Variants in LAMC3 observed in about 807,000 individuals in gnomAD.
The protein encoded by LAMC3 is laminin subunit gamma-3.
In LAMC3, 128 loss-of-function variants were observed where a neutral mutation model predicts 173.8. The observed-to-expected ratio is 0.74, with a 90% CI of 0.64 to 0.85. The LOEUF (loss-of-function observed/expected upper bound fraction) is 0.85, where lower values mean the gene tolerates loss of function less well. Ranked by LOEUF, LAMC3 falls within the 40% of genes least tolerant of loss-of-function variation. The probability of loss-of-function intolerance (pLI) is 0.00; values close to 1 mark genes in which losing one functional copy is unlikely to be tolerated. For synonymous variants in LAMC3, 897 were observed against 909.1 expected, an observed-to-expected ratio of 0.99 and a Z score of 0.24; for missense variants, 2,022 against 2,156.0, an observed-to-expected ratio of 0.94 and a Z score of 1.23.
chr9:131,090,137 A>T (rs1222348357), intron 27 of LAMC3, among the ~76,000 whole-genome samples: 1 of 152,164 alleles, frequency 6.6e-6, no homozygotes, highest in Admixed American at 6.5e-5. Context: ...TCCCACAGCC[A>T]GTCGGTAGGA....
chr9:131,017,124 C>T (rs552775014), intron 1 of LAMC3, among the ~76,000 whole-genome samples: 54 of 152,254 alleles, frequency 3.5e-4, no homozygotes, highest in South Asian at 1.5e-3. Flanking sequence ...GGCCTTGGAA[C>T]GAGGTGGGGG....
At chr9:131,022,160 A>T (rs966408029) in intron 1 of LAMC3, among the ~76,000 whole-genome samples, 8 of 151,774 alleles carry the variant, frequency 5.3e-5, no homozygotes, top group African/African-American at 1.9e-4. Flanking sequence ...CCAAAATTCT[A>T]ATGAAAGACC....
At chr9:131,016,648 G>A (rs1833524267) in intron 1 of LAMC3, among the ~76,000 whole-genome samples, 1 of 152,198 alleles carries the variant, frequency 6.6e-6, no homozygotes, top group East Asian at 1.9e-4. Flanking sequence ...ATGGTGATTG[G>A]AGCCATTCAG....
At chr9:131,053,250 C>T (rs1053998700) in intron 11 of LAMC3, among the ~76,000 whole-genome samples, 5 of 152,192 alleles carry the variant, frequency 3.3e-5, no homozygotes, top group Non-Finnish European at 4.4e-5. Context: ...CACCCAGACC[C>T]GCTGGGTGTG....
intron 27 of LAMC3, 67 bp downstream of exon 27, chr9:131,087,884 G>A: frequency 8.1e-7 from 1 of 1,232,850 alleles, no homozygotes. Context: ...ATCTTCCTGT[G>A]AGCTCCAGTC....
intron 2 of LAMC3, 120 bp from the exon 3 acceptor site, chr9:131,031,925 G>A (rs1020987777): frequency 9.6e-6 from 15 of 1,569,780 alleles, no homozygotes; most frequent in East Asian, 4.5e-5. Context: ...GCCTGAGCTC[G>A]GCCTGTTCCT....
At chr9:131,086,575 C>CTTTTTTTTTTTTTTTTTTTTTTTTTT in intron 25 of LAMC3, among the ~76,000 whole-genome samples, 1 of 92,478 alleles carries the variant, frequency 1.1e-5, no homozygotes. Flanking sequence ...GCCTGGCTAA[C>CTTTTTTTTTTTTTTTTTTTTTTTTTT]TTTTTTTTTT....
chr9:131,078,077 AC>A (rs1830166962), intron 22 of LAMC3, among the ~76,000 whole-genome samples: 1 of 152,176 alleles, frequency 6.6e-6, no homozygotes, highest in South Asian at 2.1e-4. Flanking sequence ...GGAGCAATGC[AC>A]GAGGTAGCTG....
At chr9:131,065,970 G>A (rs1330866163) in intron 13 of LAMC3, among the ~76,000 whole-genome samples, 1 of 152,122 alleles carries the variant, frequency 6.6e-6, no homozygotes, top group Non-Finnish European at 1.5e-5. Flanking sequence ...AGAACTTTGC[G>A]AGGCCTGAGG....
chr9:131,028,420 C>T (rs901809437), intron 2 of LAMC3, among the ~76,000 whole-genome samples: 23 of 152,192 alleles, frequency 1.5e-4, no homozygotes, highest in African/African-American at 5.3e-4. Flanking sequence ...CTCCTTTGCC[C>T]ATCTGGGATA....
chr9:131,047,091 G>T (rs936696880), intron 8 of LAMC3, among the ~76,000 whole-genome samples: 2 of 151,714 alleles, frequency 1.3e-5, no homozygotes, highest in African/African-American at 4.8e-5. Flanking sequence ...CGGCCCTTCA[G>T]GGGTGTCATC....
chr9:131,080,664 G>A (rs1483277200), intron 23 of LAMC3, among the ~76,000 whole-genome samples: 2 of 152,064 alleles, frequency 1.3e-5, no homozygotes, highest in East Asian at 1.9e-4. Context: ...AGTGCCTGCC[G>A]CTTACCCGGG....
intron 24 of LAMC3, among the ~76,000 whole-genome samples, chr9:131,084,172 C>T (rs908743288): frequency 2.0e-5 from 3 of 151,770 alleles, no homozygotes; most frequent in Non-Finnish European, 4.4e-5. Context: ...CGTAAGTCAC[C>T]GTGCCTGGCC....
At chr9:131,038,281 C>T in intron 4 of LAMC3, among the ~76,000 whole-genome samples, 1 of 152,198 alleles carries the variant, frequency 6.6e-6, no homozygotes, top group East Asian at 1.9e-4. Flanking sequence ...AGGGGGTTTG[C>T]TTGCTTGCCG....
chr9:131,038,751 G>A lies in LAMC3; in HGVS notation c.977-113G>A, dbSNP rs1271078465. ...GAACTCCATTCTGGACCATGCTCTT[G>A]CCCTTCTCTTTGCACTGCCTGCTCA... On this transcript the variant is annotated intron_variant, in intron 4 of 27. Coordinates refer to ENST00000361069, the MANE Select transcript of LAMC3 (RefSeq NM_006059.4). 5 of 1,076,540 alleles carry A rather than the reference G, an allele frequency of 4.6e-6. No homozygotes were observed. The African/African-American group carries it at 7.7e-5, about 17-fold the overall frequency. 66.7% of individuals were successfully genotyped at this position (1,076,540 alleles called of 1,614,324 possible).
chr9:131,015,042 A>T (rs553755987), intron 1 of LAMC3, among the ~76,000 whole-genome samples: 1 of 152,296 alleles, frequency 6.6e-6, no homozygotes, highest in South Asian at 2.1e-4. Flanking sequence ...CTTCCAAGGC[A>T]TTTGCTCATT....
intron 4 of LAMC3, among the ~76,000 whole-genome samples, chr9:131,037,011 A>C: frequency 6.6e-6 from 1 of 152,228 alleles, no homozygotes; most frequent in Non-Finnish European, 1.5e-5. Context: ...CTGGGCGGGC[A>C]GCTTGGCCTC....
At chr9:131,089,419 C>A (rs1484784615) in intron 27 of LAMC3, among the ~76,000 whole-genome samples, 1 of 151,960 alleles carries the variant, frequency 6.6e-6, no homozygotes, top group Non-Finnish European at 1.5e-5. Context: ...GCTCTGTTAC[C>A]CAGGCTGGAG....
chr9:131,079,516 A>G (rs1242538439), intron 23 of LAMC3, among the ~76,000 whole-genome samples: 3 of 152,122 alleles, frequency 2.0e-5, no homozygotes, highest in African/African-American at 7.2e-5. Context: ...AACATGGTGA[A>G]ACCCCATCTC....
Sources: gnomAD v4.1 joint callset for allele counts (sites outside exome capture counted in the v4.1 genomes callset) on GRCh38, gnomAD v4.1.1 for gene constraint, MANE v1.5 for transcripts, NCBI Gene and HGNC (gene_info 2026-07-23, HGNC 2026-07-21) for gene names.